XKR9: variants seen among roughly 807,000 people sequenced by gnomAD.
The protein encoded by XKR9 is XK related 9, also known as XK-related protein 9.
XKR9 carries 32 observed loss-of-function variants against 32.0 expected under a neutral mutation model. That is an observed-to-expected ratio of 1.00 (90% CI 0.76 to 1.34). The LOEUF is 1.34. Among genes scored for constraint, XKR9 ranks in the 40% most tolerant of loss-of-function variants. XKR9 has a pLI of 0.00. For synonymous variants in XKR9, 168 were observed against 143.4 expected (o/e 1.17, Z -1.22); for missense variants, 546 against 429.7 (o/e 1.27, Z -2.39).
intron 2 of XKR9, among the ~76,000 whole-genome samples, chr8:70,676,359 A>G (rs1818888968): frequency 6.6e-6 from 1 of 152,226 alleles, no homozygotes. Flanking sequence ...TATTCAGATT[A>G]TATCATTGTC....
chr8:70,676,836 C>A (rs1207365927), intron 2 of XKR9, among the ~76,000 whole-genome samples: 2 of 151,926 alleles, frequency 1.3e-5, no homozygotes, highest in African/African-American at 4.8e-5. Context: ...ATAGAGAGAC[C>A]CTGTCTCTTA....
the XKR9 span, among the ~76,000 whole-genome samples, chr8:70,877,192 T>C: frequency 6.6e-6 from 1 of 152,130 alleles, no homozygotes; most frequent in Non-Finnish European, 1.5e-5. Flanking sequence ...TGAGAACTCA[T>C]TCACTATCAC....
At chr8:70,856,447 A>G in the XKR9 span, among the ~76,000 whole-genome samples, 4 of 152,202 alleles carry the variant, frequency 2.6e-5, no homozygotes, top group African/African-American at 9.7e-5. Flanking sequence ...TATGCACCCA[A>G]TACAGGAGCA....
At chr8:70,832,515 TGAG>T in the XKR9 span, among the ~76,000 whole-genome samples, 27 of 152,094 alleles carry the variant, frequency 1.8e-4, no homozygotes, top group African/African-American at 5.8e-4. Flanking sequence ...GGAATTCTGT[TGAG>T]GAGAGAATAA....
At position 70,735,641 on chromosome 8, in the gene XKR9, G is replaced by T. The variant is rs183947887; in HGVS notation, c.*1217G>T. ...CCCCCACCCCACAACAGTCCCCAGA[G>T]TGTGATGATCCCCTTCCTGTGTCCA... On this transcript the variant is annotated 3_prime_UTR_variant, in exon 5 of 5. Coordinates refer to ENST00000408926, the MANE Select transcript of XKR9 (RefSeq NM_001011720.2). 293 of 119,362 alleles carry T rather than the reference G, an allele frequency of 2.5e-3. 1 individual carries two copies. Among genetic ancestry groups the T allele is most frequent in the African/African-American group, 9.2e-3 (280 of 30,544 alleles). 7.4% of individuals were successfully genotyped at this position (119,362 alleles called of 1,614,324 possible). A position where few individuals can be genotyped will look rare whatever the true frequency, so the allele number is the denominator to read the frequency against.
chr8:70,721,524 A>C (rs1348181059), intron 4 of XKR9, among the ~76,000 whole-genome samples: 2 of 152,152 alleles, frequency 1.3e-5, no homozygotes, highest in East Asian at 1.9e-4. Context: ...TTGGTTTCAA[A>C]TAACTTATTT....
At chr8:71,060,886 G>A in the XKR9 span, among the ~76,000 whole-genome samples, 145 of 152,240 alleles carry the variant, frequency 9.5e-4, no homozygotes, top group African/African-American at 3.3e-3. Flanking sequence ...TTGCACTTAC[G>A]TAGTCTGACT....
intron 4 of XKR9, among the ~76,000 whole-genome samples, chr8:70,729,162 C>G (rs932799403): frequency 6.6e-6 from 1 of 152,092 alleles, no homozygotes; most frequent in Non-Finnish European, 1.5e-5. Flanking sequence ...CAATTGTGTC[C>G]AGTTACAAAA....
intron 2 of XKR9, among the ~76,000 whole-genome samples, chr8:70,770,517 G>A (rs540639557): frequency 4.6e-5 from 7 of 152,322 alleles, no homozygotes; most frequent in South Asian, 2.1e-4. Context: ...ACCCACAGCC[G>A]CATCTTCCTC....
At chr8:70,930,305 G>A in the XKR9 span, among the ~76,000 whole-genome samples, 1 of 152,112 alleles carries the variant, frequency 6.6e-6, no homozygotes, top group African/African-American at 2.4e-5. Flanking sequence ...TGGCTGAATT[G>A]TGGGGGAGTA....
At chr8:70,766,174 G>GAATCT (rs1201937219) in intron 2 of XKR9, among the ~76,000 whole-genome samples, 2 of 152,098 alleles carry the variant, frequency 1.3e-5, no homozygotes. Context: ...GAATAGCATT[G>GAATCT]AATCTATATA....
downstream of XKR9, among the ~76,000 whole-genome samples, chr8:70,740,233 G>A (rs549332583): frequency 2.1e-3 from 318 of 152,054 alleles, 2 homozygotes; most frequent in Admixed American, 0.019. Flanking sequence ...TTCCATCACT[G>A]ATACCCTTTC....
chr8:71,000,591 CCTAT>C, the XKR9 span, among the ~76,000 whole-genome samples: 1 of 152,182 alleles, frequency 6.6e-6, no homozygotes, highest in East Asian at 1.9e-4. Flanking sequence ...CATTTTGTTT[CCTAT>C]CTGACAGGCC....
At chr8:70,717,230 G>T (rs935003220) in intron 4 of XKR9, among the ~76,000 whole-genome samples, 1 of 151,972 alleles carries the variant, frequency 6.6e-6, no homozygotes, top group African/African-American at 2.4e-5. Flanking sequence ...CTGAGGTCTG[G>T]AGGATGGTGG....
At chr8:70,936,603 T>A in the XKR9 span, among the ~76,000 whole-genome samples, 1 of 152,036 alleles carries the variant, frequency 6.6e-6, no homozygotes, top group Admixed American at 6.6e-5. Context: ...ACAAAATGCT[T>A]TTCAAATTTT....
At chr8:71,011,247 A>G in the XKR9 span, among the ~76,000 whole-genome samples, 1 of 152,146 alleles carries the variant, frequency 6.6e-6, no homozygotes, top group Non-Finnish European at 1.5e-5. Flanking sequence ...CAGGAGCATA[A>G]TTTTTGTGCC....
At chr8:70,897,452 C>T in the XKR9 span, among the ~76,000 whole-genome samples, 1 of 152,088 alleles carries the variant, frequency 6.6e-6, no homozygotes, top group African/African-American at 2.4e-5. Flanking sequence ...TTTGAGAAAC[C>T]TCTGTACTAT....
At chr8:70,760,890 G>A (rs1304622115) in intron 2 of XKR9, among the ~76,000 whole-genome samples, 1 of 152,096 alleles carries the variant, frequency 6.6e-6, no homozygotes, top group Non-Finnish European at 1.5e-5. Flanking sequence ...GGTAGGCCCA[G>A]TGTGCATTGT....
the XKR9 span, among the ~76,000 whole-genome samples, chr8:70,939,006 T>C: frequency 5.9e-5 from 9 of 151,556 alleles, no homozygotes; most frequent in Non-Finnish European, 1.2e-4. Context: ...TTTTGTCCTG[T>C]TGTGTTGCTT....
Sources: allele counts gnomAD v4.1 joint callset (sites outside exome capture counted in the v4.1 genomes callset), GRCh38; gene constraint gnomAD v4.1.1; transcripts MANE v1.5; gene names NCBI Gene and HGNC (gene_info 2026-07-23, HGNC 2026-07-21).